The following COMMD1 variants were observed in gnomAD, a reference collection of about 807,000 sequenced individuals.
COMMD1 encodes the protein copper metabolism domain containing 1, also known as COMM domain-containing protein 1.
COMMD1 carries 10 observed loss-of-function variants against 17.2 expected under a neutral mutation model. That is an observed-to-expected ratio of 0.58 (90% CI 0.36 to 0.99). The LOEUF (loss-of-function observed/expected upper bound fraction) is 0.99. Ranked by LOEUF, COMMD1 falls within the 50% of genes least tolerant of loss-of-function variation. COMMD1 has a pLI of 0.01. For synonymous variants in COMMD1, 97 were observed against 91.6 expected, an observed-to-expected ratio of 1.06 and a Z score of -0.34; for missense variants, 270 against 231.8, an observed-to-expected ratio of 1.17 and a Z score of -1.07.
chr2:61,888,625 G>C (rs1669322050), upstream of COMMD1: 1 of 1,274,456 alleles, frequency 7.8e-7, no homozygotes, highest in Non-Finnish European at 1.0e-6. Context: ...AGAAAGCGGC[G>C]CCGGCGTCGG....
rs1459457479 is a variant in COMMD1, at chr2:61,892,704, A to G, written n.119+3862A>G. ...AGGGAAACTCTGTCTCAAAAAAAAA[A>G]AAAAGAAAAGAAAAGAAGAGAGGGC... On this transcript the variant is annotated intron_variant and non_coding_transcript_variant, in intron 1 of 2. Coordinates refer to the COMMD1 transcript ENST00000472729. Among the ~76,000 whole-genome samples, 6 of 151,138 alleles carry G rather than the reference A, an allele frequency of 4.0e-5. No homozygotes were observed. In the East Asian group the frequency reaches 5.8e-4, roughly 15 times the overall value.
At chr2:62,102,440 T>G (rs1401983140) in intron 2 of COMMD1, among the ~76,000 whole-genome samples, 1 of 152,236 alleles carries the variant, frequency 6.6e-6, no homozygotes, top group Admixed American at 6.5e-5. Context: ...TTCTCTTTTT[T>G]CTGTGTCACT....
At chr2:62,004,191 A>T (rs1176409751) in intron 2 of COMMD1, among the ~76,000 whole-genome samples, 3 of 152,234 alleles carry the variant, frequency 2.0e-5, no homozygotes, top group Non-Finnish European at 2.9e-5. Flanking sequence ...GTCAAAACTT[A>T]TAAAATTGTA....
intron 2 of COMMD1, among the ~76,000 whole-genome samples, chr2:62,130,869 A>G (rs1200739908): frequency 6.6e-6 from 1 of 152,214 alleles, no homozygotes; most frequent in Non-Finnish European, 1.5e-5. Flanking sequence ...TTGCTTACTA[A>G]CAGCCTTCAG....
At chr2:62,134,536 T>G (rs1673133109) in intron 2 of COMMD1, among the ~76,000 whole-genome samples, 1 of 151,862 alleles carries the variant, frequency 6.6e-6, no homozygotes, top group African/African-American at 2.4e-5. Flanking sequence ...ATGAAATTCC[T>G]GCTGCCATAA....
intron 1 of COMMD1, among the ~76,000 whole-genome samples, chr2:61,996,368 A>T (rs1668757263): frequency 6.8e-6 from 1 of 146,440 alleles, no homozygotes; most frequent in Non-Finnish European, 1.5e-5. Flanking sequence ...CAGAAGTGGG[A>T]TTTGAATTGC....
intron 1 of COMMD1, among the ~76,000 whole-genome samples, chr2:61,957,087 CGTGTGT>C (rs10679710): frequency 0.019 from 2,756 of 146,896 alleles, 58 homozygotes; most frequent in African/African-American, 0.043. Context: ...AAGATGGATG[CGTGTGT>C]GTGTGTGTGT....
At chr2:62,045,060 T>C (rs577745289) in intron 2 of COMMD1, among the ~76,000 whole-genome samples, 4 of 152,236 alleles carry the variant, frequency 2.6e-5, no homozygotes, top group African/African-American at 9.6e-5. Context: ...GCTGGCCATG[T>C]GGGAAAACCA....
rs761667137 is a variant in COMMD1, at chr2:62,000,906, A to C, written c.386A>C (p.Lys129Thr). ...LRGLSWRVDG[K>T]SQSRHSAQIH... ...GGCCTGAGCTGGAGAGTTGATGGCA[A>C]GTCTCAGTCAAGGCACTCAGCTCAA... The change falls in exon 2 of 3, where the codon AAG (lysine) becomes ACG (threonine). Residue 129 changes from lysine (K) to threonine (T), a missense_variant. Transcript: ENST00000311832. 3.1e-6 allele frequency: 5 copies of C among 1,614,072 alleles called. No homozygotes were observed. The Admixed American group carries it at 8.3e-5, about 27-fold the overall frequency.
At chr2:61,924,674 T>C (rs1390445375) in intron 1 of COMMD1, among the ~76,000 whole-genome samples, 1 of 152,156 alleles carries the variant, frequency 6.6e-6, no homozygotes, top group Non-Finnish European at 1.5e-5. Flanking sequence ...CCTATTGCGA[T>C]GGCAAAAGTT....
chr2:62,097,789 G>A (rs960643923), intron 2 of COMMD1, among the ~76,000 whole-genome samples: 8 of 152,140 alleles, frequency 5.3e-5, no homozygotes, highest in African/African-American at 1.4e-4. Context: ...GATGAGGACC[G>A]ACAGTATAGC....
intron 2 of COMMD1, among the ~76,000 whole-genome samples, chr2:62,126,925 AGG>A (rs1672902594): frequency 6.6e-6 from 1 of 152,200 alleles, no homozygotes; most frequent in East Asian, 1.9e-4. Context: ...ATAGGAAGAG[AGG>A]AAGTCAAATT....
At chr2:62,062,892 A>G (rs1670906010) in intron 2 of COMMD1, among the ~76,000 whole-genome samples, 1 of 151,800 alleles carries the variant, frequency 6.6e-6, no homozygotes, top group East Asian at 1.9e-4. Flanking sequence ...CAACGTAGGG[A>G]CACCCTGTCT....
rs543774964 is a variant in COMMD1, at chr2:62,090,414, C to T, written c.463-45417C>T. Among the ~76,000 whole-genome samples, 5 of 152,304 alleles carry T rather than the reference C, an allele frequency of 3.3e-5. No homozygotes were observed. In the East Asian group the frequency reaches 7.7e-4, roughly 23 times the overall value. On this transcript the variant is annotated intron_variant, in intron 2 of 2. Transcript: ENST00000311832. The stretch of plus-strand genomic sequence containing the variant: ...TTATTTGAGGATTGTAGGACTGACA[C>T]TAAATCAGAATCCAATACATTTAAT...
intron 2 of COMMD1, among the ~76,000 whole-genome samples, chr2:62,109,232 G>C (rs1672391864): frequency 6.6e-6 from 1 of 152,178 alleles, no homozygotes; most frequent in Non-Finnish European, 1.5e-5. Context: ...GTAATTTTCT[G>C]ATCTGGCTTG....
chr2:61,924,800 T>C (rs1323165590), intron 1 of COMMD1, among the ~76,000 whole-genome samples: 4 of 152,000 alleles, frequency 2.6e-5, no homozygotes, highest in Non-Finnish European at 4.4e-5. Flanking sequence ...GCCGAGAGCA[T>C]TGAGATCACG....
chr2:62,054,604 C>T (rs1218445550), intron 2 of COMMD1, among the ~76,000 whole-genome samples: 1 of 151,992 alleles, frequency 6.6e-6, no homozygotes, highest in Non-Finnish European at 1.5e-5. Context: ...AAGCCAGGCA[C>T]AGAAAGACAA....
At chr2:62,006,354 A>T (rs190589357) in intron 2 of COMMD1, among the ~76,000 whole-genome samples, 1,641 of 146,294 alleles carry the variant, frequency 0.011, 10 homozygotes, top group Middle Eastern at 0.021. Flanking sequence ...AATAATAATT[A>T]AAAAAAAAAA....
At chr2:62,088,394 G>A (rs1266815087) in intron 2 of COMMD1, among the ~76,000 whole-genome samples, 1 of 152,106 alleles carries the variant, frequency 6.6e-6, no homozygotes, top group Non-Finnish European at 1.5e-5. Flanking sequence ...TAAATGTACT[G>A]TGGGCACTTT....
Sources: gnomAD v4.1 joint callset for allele counts (sites outside exome capture counted in the v4.1 genomes callset) on GRCh38, gnomAD v4.1.1 for gene constraint, MANE v1.5 for transcripts, NCBI Gene and HGNC (gene_info 2026-07-23, HGNC 2026-07-21) for gene names.